GRIP1: variants seen among roughly 807,000 people sequenced by gnomAD.
GRIP1 encodes glutamate receptor-interacting protein 1.
In GRIP1, 45 loss-of-function variants were observed where a neutral mutation model predicts 129.9. The ratio of observed to expected loss-of-function variants is 0.35; its 90% CI spans 0.27 to 0.44. GRIP1 has a LOEUF of 0.44. Ranked by LOEUF, GRIP1 falls within the 20% of genes least tolerant of loss-of-function variation. The probability of loss-of-function intolerance (pLI) is 1.00; values close to 1 mark genes in which losing one functional copy is unlikely to be tolerated. For missense variants in GRIP1, 1,196 were observed against 1,396.8 expected (o/e 0.86, Z 2.29); for synonymous variants, 530 against 520.8 (o/e 1.02, Z -0.24).
At chr12:66,560,033 A>T (rs1172532707) in intron 2 of GRIP1, among the ~76,000 whole-genome samples, 1 of 152,102 alleles carries the variant, frequency 6.6e-6, no homozygotes, top group South Asian at 2.1e-4. Context: ...CAGAGAACTC[A>T]TTTTCAACAA....
chr12:66,625,137 T>C (rs531433590), intron 1 of GRIP1, among the ~76,000 whole-genome samples: 11 of 152,238 alleles, frequency 7.2e-5, no homozygotes, highest in Admixed American at 2.0e-4. Context: ...CTTATGAATC[T>C]GGGGACAGAT....
chr12:66,777,308 C>T (rs868417484), intron 1 of GRIP1, among the ~76,000 whole-genome samples: 18 of 152,244 alleles, frequency 1.2e-4, no homozygotes, highest in Middle Eastern at 3.4e-3. Flanking sequence ...CCAACTTGGT[C>T]TTGGTGCTGC....
intron 24 of GRIP1, among the ~76,000 whole-genome samples, chr12:66,352,151 G>A (rs1283845192): frequency 1.3e-5 from 2 of 152,190 alleles, no homozygotes; most frequent in Non-Finnish European, 2.9e-5. Context: ...TGCCCTCATG[G>A]AGTTACATTC....
chr12:66,440,420 AT>A (rs1467614380), intron 13 of GRIP1, among the ~76,000 whole-genome samples: 2 of 151,762 alleles, frequency 1.3e-5, no homozygotes, highest in Non-Finnish European at 2.9e-5. Context: ...TTCTTTCCAA[AT>A]TTTTTTTGGA....
intron 4 of GRIP1, among the ~76,000 whole-genome samples, chr12:66,532,682 C>T (rs2061494125): frequency 2.0e-5 from 3 of 152,216 alleles, no homozygotes; most frequent in South Asian, 4.2e-4. Flanking sequence ...GAAGAGCGTC[C>T]TCCAGGTAGC....
intron 1 of GRIP1, among the ~76,000 whole-genome samples, chr12:66,867,913 G>T (rs981251778): frequency 6.6e-6 from 1 of 152,064 alleles, no homozygotes; most frequent in African/African-American, 2.4e-5. Context: ...AAGACGTGCA[G>T]AAAAGTATTT....
At chr12:66,850,969 A>T (rs950980827) in intron 1 of GRIP1, among the ~76,000 whole-genome samples, 20 of 148,776 alleles carry the variant, frequency 1.3e-4, no homozygotes, top group African/African-American at 5.0e-4. Context: ...CAGCTAAGGT[A>T]TCTAGTATGA....
intron 7 of GRIP1, among the ~76,000 whole-genome samples, chr12:66,471,501 T>C (rs1489355792): frequency 1.3e-5 from 2 of 152,254 alleles, no homozygotes; most frequent in African/African-American, 4.8e-5. Flanking sequence ...TAAGTGCCAC[T>C]GAATTGTATC....
At chr12:67,026,502 T>C (rs1215846433) in intron 1 of GRIP1, among the ~76,000 whole-genome samples, 5 of 152,232 alleles carry the variant, frequency 3.3e-5, no homozygotes, top group Non-Finnish European at 4.4e-5. Flanking sequence ...TTAAAACACG[T>C]AGGCCCTTAG....
intron 1 of GRIP1, among the ~76,000 whole-genome samples, chr12:66,733,848 T>C (rs188731153): frequency 3.3e-5 from 5 of 152,238 alleles, no homozygotes; most frequent in South Asian, 2.1e-4. Context: ...GCATAACACA[T>C]GACAGTTTTA....
rs1370610377 is a variant in GRIP1, at chr12:66,700,113, G to A, written c.-419-69777C>T. On this transcript the variant is annotated intron_variant, in intron 1 of 4. Transcript: ENST00000538373. ...CAACCCAGATTGTGGTGGGGGCTGG[G>A]GGAAACCAGAGAAGGAACTCCTGGG... Among the ~76,000 whole-genome samples, 3 of 152,212 alleles carry A rather than the reference G, an allele frequency of 2.0e-5. No homozygotes were observed. In the East Asian group the frequency reaches 5.8e-4, roughly 30 times the overall value.
intron 1 of GRIP1, among the ~76,000 whole-genome samples, chr12:66,607,876 T>C (rs1157332924): frequency 6.6e-6 from 1 of 152,190 alleles, no homozygotes; most frequent in East Asian, 1.9e-4. Context: ...CCTTGGATCA[T>C]TTCAGGACCT....
chr12:66,513,825 G>A (rs1392279624), intron 7 of GRIP1, among the ~76,000 whole-genome samples: 1 of 152,092 alleles, frequency 6.6e-6, no homozygotes, highest in Non-Finnish European at 1.5e-5. Flanking sequence ...AACAGGTAGG[G>A]ACACCCCATT....
chr12:67,015,179 C>G (rs2042767543), intron 1 of GRIP1, among the ~76,000 whole-genome samples: 1 of 152,100 alleles, frequency 6.6e-6, no homozygotes, highest in Non-Finnish European at 1.5e-5. Flanking sequence ...GAGTCCTACT[C>G]TGATCAAGAA....
chr12:66,354,437 G>A (rs1228937528), intron 23 of GRIP1, among the ~76,000 whole-genome samples: 1 of 152,208 alleles, frequency 6.6e-6, no homozygotes, highest in Non-Finnish European at 1.5e-5. Flanking sequence ...AGAAAAGCCT[G>A]CCTTCCAGAG....
chr12:66,998,906 C>T (rs975839430), intron 1 of GRIP1, among the ~76,000 whole-genome samples: 4 of 152,068 alleles, frequency 2.6e-5, no homozygotes, highest in Non-Finnish European at 4.4e-5. Flanking sequence ...TTAAAAAGTA[C>T]GAGCATTTGA....
chr12:66,830,670 A>G lies in GRIP1; in HGVS notation c.59-233743T>C, dbSNP rs556662887. The stretch of plus-strand genomic sequence containing the variant: ...TAAGTTTGTGGCAATTTGTTACAAC[A>G]GGAATAGGAAACCAGTATCATTATC... On this transcript the variant is annotated intron_variant, in intron 1 of 1. Coordinates refer to the GRIP1 transcript ENST00000643019. Among the ~76,000 whole-genome samples, 89 of 152,302 alleles carry G rather than the reference A, an allele frequency of 5.8e-4. 1 individual carries two copies. The highest frequency in any genetic ancestry group is 5.8e-3 in the South Asian group (28 of 4,824).
At chr12:66,769,784 C>A (rs539948954) in intron 1 of GRIP1, among the ~76,000 whole-genome samples, 2 of 152,248 alleles carry the variant, frequency 1.3e-5, no homozygotes, top group South Asian at 4.1e-4. Context: ...CCTACTTCTA[C>A]CTCTACACCT....
intron 7 of GRIP1, among the ~76,000 whole-genome samples, chr12:66,472,151 T>C (rs562912981): frequency 1.3e-5 from 2 of 152,238 alleles, no homozygotes; most frequent in Non-Finnish European, 2.9e-5. Flanking sequence ...CTTGCTAGGA[T>C]AGAAGTCTGT....
Sources: gnomAD v4.1 joint callset for allele counts (sites outside exome capture counted in the v4.1 genomes callset) on GRCh38, gnomAD v4.1.1 for gene constraint, MANE v1.5 for transcripts, NCBI Gene and HGNC (gene_info 2026-07-23, HGNC 2026-07-21) for gene names.